INKA2: variants seen among roughly 807,000 people sequenced by gnomAD.
The protein encoded by INKA2 is inka box actin regulator 2, also known as PAK4-inhibitor INKA2.
INKA2 carries 3 observed loss-of-function variants against 9.8 expected under a neutral mutation model. The ratio of observed to expected loss-of-function variants is 0.31; its 90% confidence interval spans 0.14 to 0.79. INKA2 has a LOEUF of 0.79. Ranked by LOEUF, INKA2 falls within the 30% of genes least tolerant of loss-of-function variation. The pLI, the probability that INKA2 is intolerant of heterozygous loss-of-function variation, is 0.62. For synonymous variants in INKA2, 147 were observed against 143.3 expected (o/e 1.03, Z -0.18); for missense variants, 392 against 384.4 (o/e 1.02, Z -0.17).
At chr1:111,727,833 T>C (rs767964844) in intron 1 of INKA2, 29 bp from the exon 2 acceptor site, 2 of 1,595,726 alleles carry the variant, frequency 1.3e-6, no homozygotes, top group Non-Finnish European at 1.7e-6. Context: ...GCATGGGGCC[T>C]ATGAGCCACA....
chr1:111,755,622 C>T, intron 1 of INKA2: 2 of 1,591,574 alleles, frequency 1.3e-6, no homozygotes, highest in South Asian at 1.1e-5. Flanking sequence ...CGGCTCCGCC[C>T]AGAAGAGGGC....
rs1247489856 is a variant in INKA2, at chr1:111,726,169, T to A, written c.*799A>T. 7.5e-6 allele frequency: 3 copies of A among 398,152 alleles called. No individual in the cohort carries two copies. The highest frequency in any genetic ancestry group is 1.3e-5 in the Non-Finnish European group (3 of 225,850). 24.7% of individuals were successfully genotyped at this position (398,152 alleles called of 1,614,324 possible). ...GGACATGTAGCATATCTAGGCTTGT[T>A]TCCTTATCTGGAAAATGGGATCATG... On this transcript the variant is annotated 3_prime_UTR_variant, in exon 2 of 2. Transcript: ENST00000357260.
chr1:111,742,880 C>T (rs914457721), upstream of INKA2, among the ~76,000 whole-genome samples: 7 of 152,220 alleles, frequency 4.6e-5, no homozygotes, highest in Admixed American at 6.5e-5. Context: ...TTGCAACTTA[C>T]GTATTCCCTT....
chr1:111,739,553 A>C (rs544175384), upstream of INKA2: 1 of 668,958 alleles, frequency 1.5e-6, no homozygotes, highest in East Asian at 4.4e-5. Flanking sequence ...GTGTTTGCAC[A>C]GGACCCGGGC....
rs1424619093 is a variant in INKA2, at chr1:111,724,695, A to G, written c.*2273T>C. ...CCTCACTCAAAACTGAAATGTTGGT[A>G]TTCTCTGGGAAGACACAAAGGATTT... is the stretch of plus-strand genomic sequence containing the variant. On this transcript the variant is annotated 3_prime_UTR_variant, in exon 2 of 2. Coordinates refer to ENST00000357260, the MANE Select transcript of INKA2 (RefSeq NM_019099.5). 1.3e-5 allele frequency: 2 copies of G among 152,532 alleles called. No homozygotes were observed. The highest frequency in any genetic ancestry group is 2.9e-5 in the Non-Finnish European group (2 of 68,058). The allele number at this position is 152,532 out of a possible 1,614,324, so 9.4% of individuals were successfully genotyped here.
upstream of INKA2, among the ~76,000 whole-genome samples, chr1:111,742,353 G>A (rs1412522463): frequency 1.3e-5 from 2 of 152,090 alleles, no homozygotes; most frequent in Non-Finnish European, 2.9e-5. Flanking sequence ...TTGGGAGGCC[G>A]AGGTGGGCAG....
intron 1 of INKA2, among the ~76,000 whole-genome samples, chr1:111,729,199 A>G (rs925901574): frequency 2.0e-5 from 3 of 152,126 alleles, no homozygotes; most frequent in Non-Finnish European, 2.9e-5. Flanking sequence ...GTTTCCTGCA[A>G]TTGCTGTTCA....
chr1:111,738,848 CGCGGGG>C (rs1258297670), intron 1 of INKA2, among the ~76,000 whole-genome samples: 2 of 152,192 alleles, frequency 1.3e-5, no homozygotes, highest in Non-Finnish European at 2.9e-5. Context: ...GCGTCGGCGG[CGCGGGG>C]GCCCCACTGC....
chr1:111,741,551 C>A (rs540796069), upstream of INKA2, among the ~76,000 whole-genome samples: 2 of 152,290 alleles, frequency 1.3e-5, no homozygotes, highest in African/African-American at 2.4e-5. Flanking sequence ...ATAGAAAGGA[C>A]CCAGCATTGA....
chr1:111,725,982 C>G lies in INKA2; in HGVS notation c.*986G>C. On this transcript the variant is annotated 3_prime_UTR_variant, in exon 2 of 2. Coordinates refer to ENST00000357260, the MANE Select transcript of INKA2 (RefSeq NM_019099.5). ...GAACTCCTGACCCCAGGTAATCCGC[C>G]TGCCTTGCCCTCCCAAAGTGCTGGG... 2.5e-6 allele frequency: 1 copy of G among 397,014 alleles called. No individual in the cohort carries two copies. Among genetic ancestry groups the G allele is most frequent in the Non-Finnish European group, 4.4e-6 (1 of 225,088 alleles). 24.6% of individuals were successfully genotyped at this position (397,014 alleles called of 1,614,324 possible).
At chr1:111,738,404 C>T (rs970624352) in intron 1 of INKA2, among the ~76,000 whole-genome samples, 1 of 151,936 alleles carries the variant, frequency 6.6e-6, no homozygotes, top group Admixed American at 6.5e-5. Flanking sequence ...TTCCACCCCC[C>T]CAGACTGAGC....
intron 1 of INKA2, among the ~76,000 whole-genome samples, chr1:111,737,590 GA>G (rs1159211047): frequency 6.6e-6 from 1 of 152,002 alleles, no homozygotes; most frequent in Non-Finnish European, 1.5e-5. Context: ...CACATAAATG[GA>G]AAAAAATGAG....
chr1:111,738,993 G>A (rs1663074986), intron 1 of INKA2, among the ~76,000 whole-genome samples, 193 bp downstream of exon 1: 1 of 152,044 alleles, frequency 6.6e-6, no homozygotes, highest in Non-Finnish European at 1.5e-5. Context: ...ACAAATCTTT[G>A]CTCAAAGTTT....
intron 1 of INKA2, chr1:111,753,814 A>T (rs1169770793): frequency 6.6e-6 from 1 of 152,234 alleles, no homozygotes; most frequent in Non-Finnish European, 1.5e-5. Flanking sequence ...GGCACATACA[A>T]GTAACCAAGC....
chr1:111,732,769 T>C (rs1662937787), intron 1 of INKA2, among the ~76,000 whole-genome samples: 1 of 152,164 alleles, frequency 6.6e-6, no homozygotes, highest in Non-Finnish European at 1.5e-5. Context: ...GAAGTCTGCA[T>C]GTCAAACTTC....
At chr1:111,745,376 C>T (rs368024913) in intron 1 of INKA2, 15 of 144,706 alleles carry the variant, frequency 1.0e-4, no homozygotes, top group African/African-American at 3.8e-4. Flanking sequence ...GCTCACTGCA[C>T]CCTTGAGCTC....
In INKA2 at chr1:111,723,744, T is replaced by A. The variant is rs197427; in HGVS notation, c.*3224A>T. 1 of 152,192 alleles carries A rather than the reference T, an allele frequency of 6.6e-6. No homozygotes were observed. Among genetic ancestry groups the A allele is most frequent in the African/African-American group, 2.4e-5 (1 of 41,400 alleles). The allele number at this position is 152,192 out of a possible 1,614,324, so 9.4% of individuals were successfully genotyped here. On this transcript the variant is annotated 3_prime_UTR_variant, in exon 2 of 2. Coordinates refer to ENST00000357260, the MANE Select transcript of INKA2 (RefSeq NM_019099.5). ...CCTGTATACTTAGGCCCTAGGCATTTGCATTCACCTCTTCCCTCCACTTCA... is the reference window on the plus strand; with the variant it reads ...CCTGTATACTTAGGCCCTAGGCATTAGCATTCACCTCTTCCCTCCACTTCA...
At chr1:111,755,123 A>AGGT (rs1663502217) in intron 1 of INKA2, 1 of 133,456 alleles carries the variant, frequency 7.5e-6, no homozygotes, top group East Asian at 2.0e-4. Context: ...ATCCCAAGGG[A>AGGT]GGTGCTGCGG....
At chr1:111,730,703 C>T (rs1662886256) in intron 1 of INKA2, among the ~76,000 whole-genome samples, 1 of 152,220 alleles carries the variant, frequency 6.6e-6, no homozygotes. Flanking sequence ...GCCACTTATG[C>T]ACTCACCTCA....
Sources: gnomAD v4.1 joint callset for allele counts (sites outside exome capture counted in the v4.1 genomes callset) on GRCh38, gnomAD v4.1.1 for gene constraint, MANE v1.5 for transcripts, NCBI Gene and HGNC (gene_info 2026-07-23, HGNC 2026-07-21) for gene names.